MCPH1: variants seen among roughly 807,000 people sequenced by gnomAD.
MCPH1 encodes the protein microcephalin 1.
In MCPH1, 104 loss-of-function variants were observed where a neutral mutation model predicts 84.5. The ratio of observed to expected loss-of-function variants is 1.23; its 90% confidence interval spans 1.05 to 1.45. The LOEUF is 1.45. MCPH1 is among the 40% of genes most tolerant of loss of function. MCPH1 has a pLI of 0.00. For synonymous variants in MCPH1, 514 were observed against 366.8 expected (o/e 1.40, Z -4.58); for missense variants, 1,498 against 1,005.7 (o/e 1.49, Z -6.62).
At chr8:6,520,547 C>G (rs981448951) in intron 12 of MCPH1, among the ~76,000 whole-genome samples, 3 of 152,212 alleles carry the variant, frequency 2.0e-5, no homozygotes, top group African/African-American at 7.2e-5. Flanking sequence ...AGGTGCCCAC[C>G]ACCAAGCCCA....
chr8:6,522,605 C>G (rs377717393), intron 12 of MCPH1, among the ~76,000 whole-genome samples: 1 of 151,836 alleles, frequency 6.6e-6, no homozygotes, highest in Non-Finnish European at 1.5e-5. Flanking sequence ...GAAACCCTCT[C>G]TCTACTAAAA....
At chr8:6,493,788 G>C (rs1321710910) in intron 11 of MCPH1, among the ~76,000 whole-genome samples, 1 of 152,146 alleles carries the variant, frequency 6.6e-6, no homozygotes, top group Admixed American at 6.5e-5. Context: ...TCCCAATGAT[G>C]TTAGTCACAT....
chr8:6,487,813 C>T (rs928667483), intron 11 of MCPH1, among the ~76,000 whole-genome samples: 3 of 152,186 alleles, frequency 2.0e-5, no homozygotes, highest in Admixed American at 6.5e-5. Flanking sequence ...AGAGTGTTTT[C>T]ACATGCACTG....
intron 12 of MCPH1, among the ~76,000 whole-genome samples, chr8:6,604,619 C>G (rs1829614583): frequency 1.3e-5 from 2 of 152,368 alleles, no homozygotes; most frequent in South Asian, 2.1e-4. Context: ...ATTCTCCTGC[C>G]TCAGCCTCCT....
chr8:6,489,906 A>G (rs1810374012), intron 11 of MCPH1, among the ~76,000 whole-genome samples: 2 of 152,248 alleles, frequency 1.3e-5, no homozygotes, highest in African/African-American at 2.4e-5. Flanking sequence ...GTATTTGGCA[A>G]ATACTTTAAA....
chr8:6,419,186 C>A (rs1799795186), intron 3 of MCPH1, among the ~76,000 whole-genome samples: 1 of 12,998 alleles, frequency 7.7e-5, no homozygotes, highest in South Asian at 2.9e-3. Context: ...CACACACACA[C>A]ACGCATTTTT....
At chr8:6,460,237 T>A (rs963494413) in intron 9 of MCPH1, among the ~76,000 whole-genome samples, 2 of 152,180 alleles carry the variant, frequency 1.3e-5, no homozygotes, top group African/African-American at 2.4e-5. Flanking sequence ...TTTCCTCTTG[T>A]ATCTCCTTAT....
chr8:6,519,743 G>A, intron 12 of MCPH1: 1 of 1,313,970 alleles, frequency 7.6e-7, no homozygotes, highest in Non-Finnish European at 1.0e-6. Flanking sequence ...AGTAACTATG[G>A]CTTTGTACTG....
chr8:6,644,713 T>G lies in MCPH1; in HGVS notation c.*1664T>G, dbSNP rs146240459. The G allele has an allele frequency of 6.8e-4, 103 of 152,316 alleles. No homozygotes were observed. Among genetic ancestry groups the G allele is most frequent in the African/African-American group, 2.4e-3 (101 of 41,576 alleles). 9.4% of individuals were successfully genotyped at this position (152,316 alleles called of 1,614,324 possible). ...CGGAGGTGCCACTGAGCCCTCATCG[T>G]GGTGCCGTTCCCGCTCTGGGTTATT... On this transcript the variant is annotated 3_prime_UTR_variant, in exon 14 of 14. Coordinates refer to ENST00000344683, the MANE Select transcript of MCPH1 (RefSeq NM_024596.5).
chr8:6,566,074 G>A (rs1826128330), intron 12 of MCPH1, among the ~76,000 whole-genome samples: 1 of 151,466 alleles, frequency 6.6e-6, no homozygotes, highest in Non-Finnish European at 1.5e-5. Context: ...GTGCAAAGCA[G>A]CTGTGGGACA....
At chr8:6,497,174 T>C (rs1385217796) in intron 11 of MCPH1, among the ~76,000 whole-genome samples, 1 of 152,066 alleles carries the variant, frequency 6.6e-6, no homozygotes, top group Non-Finnish European at 1.5e-5. Context: ...TTGTAATTAT[T>C]CTTTGAGAAA....
At chr8:6,596,392 A>G (rs897728832) in intron 12 of MCPH1, among the ~76,000 whole-genome samples, 5 of 152,308 alleles carry the variant, frequency 3.3e-5, no homozygotes, top group Admixed American at 6.5e-5. Flanking sequence ...TATACACAGT[A>G]AAGAGATGAA....
chr8:6,493,925 G>T (rs1411853482), intron 11 of MCPH1, among the ~76,000 whole-genome samples: 1 of 138,728 alleles, frequency 7.2e-6, no homozygotes, highest in Non-Finnish European at 1.6e-5. Flanking sequence ...TGGTCATAGT[G>T]CTTGGAAATA....
At chr8:6,439,674 A>G (rs1803222221) in intron 6 of MCPH1, among the ~76,000 whole-genome samples, 1 of 152,104 alleles carries the variant, frequency 6.6e-6, no homozygotes, top group Non-Finnish European at 1.5e-5. Flanking sequence ...TGGGACTGTA[A>G]TCCAGGCGTG....
At chr8:6,447,516 C>G (rs1376183831) in intron 8 of MCPH1, 23 of 701,348 alleles carry the variant, frequency 3.3e-5, no homozygotes, top group Non-Finnish European at 3.9e-5. Flanking sequence ...AGAACGGGAA[C>G]TGAGCGAGAA....
intron 4 of MCPH1, among the ~76,000 whole-genome samples, chr8:6,432,642 C>G (rs947470404): frequency 6.6e-6 from 1 of 152,242 alleles, no homozygotes; most frequent in Admixed American, 6.5e-5. Context: ...TTTCTCCAAA[C>G]TGAACTACAT....
chr8:6,594,808 T>C (rs1828797726), intron 12 of MCPH1, among the ~76,000 whole-genome samples: 1 of 152,094 alleles, frequency 6.6e-6, no homozygotes, highest in Non-Finnish European at 1.5e-5. Context: ...TATGTCAGAA[T>C]CTAAATTACA....
At chr8:6,553,287 T>C (rs1443610421) in intron 12 of MCPH1, among the ~76,000 whole-genome samples, 25 of 152,262 alleles carry the variant, frequency 1.6e-4, no homozygotes, top group Non-Finnish European at 1.5e-5. Context: ...TTTTAAAAAA[T>C]CATTTACTAC....
chr8:6,429,624 A>G (rs561819434), intron 3 of MCPH1, among the ~76,000 whole-genome samples: 76 of 149,770 alleles, frequency 5.1e-4, no homozygotes, highest in Admixed American at 1.2e-3. Flanking sequence ...CTTTACTATC[A>G]TTTTATTGGG....
Sources: gnomAD v4.1 joint callset for allele counts (sites outside exome capture counted in the v4.1 genomes callset) on GRCh38, gnomAD v4.1.1 for gene constraint, MANE v1.5 for transcripts, NCBI Gene and HGNC (gene_info 2026-07-23, HGNC 2026-07-21) for gene names.